SMIM36: variants seen among roughly 807,000 people sequenced by gnomAD.
SMIM36 encodes small integral membrane protein 36.
intron 4 of SMIM36, among the ~76,000 whole-genome samples, chr17:55,460,439 A>AAAC (rs1567862696): frequency 4.1e-5 from 4 of 96,574 alleles, no homozygotes; most frequent in Non-Finnish European, 1.1e-4. Flanking sequence ...GAAACAAAAA[A>AAAC]CAAAAAACAA....
At position 55,497,058 on chromosome 17, in the gene SMIM36, C is replaced by T. The variant is rs143748508; in HGVS notation, c.*174+13821G>A. ...GACTTGGATACTTTAGGGATAATTC[C>T]GAACTGTCTTTGCTTCACTCTAATA... On this transcript the variant is annotated intron_variant, in intron 1 of 4. Coordinates refer to ENST00000636752, the Ensembl canonical transcript of SMIM36. Among the ~76,000 whole-genome samples the T allele has an allele frequency of 5.2e-4, 79 of 152,076 alleles. No individual in the cohort carries two copies. The East Asian group carries it at 0.011, about 22-fold the overall frequency.
chr17:55,472,180 G>C (rs1457583564), intron 3 of SMIM36, among the ~76,000 whole-genome samples: 1 of 151,948 alleles, frequency 6.6e-6, no homozygotes, highest in Admixed American at 6.6e-5. Flanking sequence ...TCCAAACCTA[G>C]ACCACACTTG....
the SMIM36 span, among the ~76,000 whole-genome samples, chr17:55,521,149 A>G: frequency 1.3e-5 from 2 of 152,180 alleles, no homozygotes; most frequent in Non-Finnish European, 2.9e-5. Context: ...AAAAATCTTG[A>G]CCTAACATCT....
chr17:55,526,027 ATG>A, the SMIM36 span, among the ~76,000 whole-genome samples: 3 of 152,298 alleles, frequency 2.0e-5, no homozygotes, highest in East Asian at 5.8e-4. Context: ...AAGGAAACAA[ATG>A]TGGCCAACAA....
At chr17:55,520,676 C>G in the SMIM36 span, among the ~76,000 whole-genome samples, 2 of 152,182 alleles carry the variant, frequency 1.3e-5, no homozygotes, top group Non-Finnish European at 2.9e-5. Context: ...ATGCTCAGAA[C>G]AGCACACAAT....
intron 1 of SMIM36, among the ~76,000 whole-genome samples, chr17:55,494,024 C>T (rs1377875321): frequency 6.6e-6 from 1 of 152,046 alleles, no homozygotes; most frequent in African/African-American, 2.4e-5. Flanking sequence ...TGCCTGGGGA[C>T]ATCAAAACAG....
chr17:55,513,982 A>G (rs1175561301), upstream of SMIM36, among the ~76,000 whole-genome samples: 1 of 152,044 alleles, frequency 6.6e-6, no homozygotes, highest in Non-Finnish European at 1.5e-5. Context: ...TCTTATTTCT[A>G]TTAGCAGAGA....
intron 3 of SMIM36, among the ~76,000 whole-genome samples, chr17:55,473,179 A>C (rs1347213240): frequency 6.6e-6 from 1 of 151,976 alleles, no homozygotes; most frequent in Non-Finnish European, 1.5e-5. Context: ...TGCCTCCTGC[A>C]GCCCCTCATC....
the SMIM36 span, among the ~76,000 whole-genome samples, chr17:55,519,080 G>C: frequency 0.047 from 7,120 of 151,836 alleles, 533 homozygotes; most frequent in African/African-American, 0.16. Flanking sequence ...TTTTAAAAGA[G>C]GTGAATTTTT....
intron 1 of SMIM36, among the ~76,000 whole-genome samples, chr17:55,510,574 C>G (rs115178188): frequency 6.6e-6 from 1 of 152,104 alleles, no homozygotes; most frequent in Non-Finnish European, 1.5e-5. Flanking sequence ...GCATGGGCAA[C>G]AGAGCAAGAC....
chr17:55,529,884 T>C, the SMIM36 span, among the ~76,000 whole-genome samples: 5,388 of 152,338 alleles, frequency 0.035, 272 homozygotes, highest in African/African-American at 0.12. Flanking sequence ...GCAAATACAG[T>C]TCAGCTGTAG....
chr17:55,500,729 G>GAATATGCAGTA (rs58312141), intron 1 of SMIM36, among the ~76,000 whole-genome samples: 28 of 68,618 alleles, frequency 4.1e-4, no homozygotes, highest in Non-Finnish European at 5.8e-4. Context: ...ATTTTTAAAA[G>GAATATGCAGTA]AACATTCATT....
chr17:55,516,052 G>A (rs1020364676), upstream of SMIM36, among the ~76,000 whole-genome samples: 19 of 152,296 alleles, frequency 1.2e-4, no homozygotes, highest in Non-Finnish European at 2.1e-4. Flanking sequence ...ATTACTGTAT[G>A]TAAAATTTAC....
At chr17:55,451,409 G>A (rs997503754) in intron 4 of SMIM36, among the ~76,000 whole-genome samples, 5 of 152,154 alleles carry the variant, frequency 3.3e-5, no homozygotes, top group African/African-American at 1.2e-4. Flanking sequence ...TTGTCTGCCT[G>A]GAATACTTTC....
chr17:55,483,230 G>T (rs8073899), intron 1 of SMIM36, among the ~76,000 whole-genome samples: 2,392 of 152,194 alleles, frequency 0.016, 49 homozygotes, highest in Middle Eastern at 0.068. Context: ...TTCTTGTTGG[G>T]TTTGGCCTGA....
the SMIM36 span, among the ~76,000 whole-genome samples, chr17:55,530,671 T>C: frequency 6.6e-6 from 1 of 151,962 alleles, no homozygotes; most frequent in Non-Finnish European, 1.5e-5. Flanking sequence ...TAATCCCAGC[T>C]ACTCAGGAGG....
At chr17:55,471,790 G>A (rs1041060478) in intron 3 of SMIM36, among the ~76,000 whole-genome samples, 10 of 152,182 alleles carry the variant, frequency 6.6e-5, no homozygotes, top group African/African-American at 2.4e-4. Flanking sequence ...ACAGGAGCCA[G>A]GCCCATGACC....
At chr17:55,458,046 C>T (rs1343266588) in intron 4 of SMIM36, among the ~76,000 whole-genome samples, 3 of 152,078 alleles carry the variant, frequency 2.0e-5, no homozygotes, top group Non-Finnish European at 2.9e-5. Context: ...TATTGTTTCT[C>T]CTTCCTACTT....
At chr17:55,478,723 A>ACCAGG in intron 3 of SMIM36, 39 bp downstream of exon 3, 1 of 152,150 alleles carries the variant, frequency 6.6e-6, no homozygotes, top group Non-Finnish European at 1.5e-5. Flanking sequence ...TCTGGTTGAA[A>ACCAGG]TGGGGTTGGT....
Sources: allele counts gnomAD v4.1 joint callset (sites outside exome capture counted in the v4.1 genomes callset), GRCh38; gene constraint gnomAD v4.1.1; transcripts MANE v1.5; gene names NCBI Gene and HGNC (gene_info 2026-07-23, HGNC 2026-07-21).